The following PXDNL variants were observed in gnomAD, a reference collection of about 807,000 sequenced individuals.
PXDNL encodes the protein peroxidasin like.
PXDNL carries 145 observed loss-of-function variants against 150.8 expected under a neutral mutation model. That is an observed-to-expected ratio of 0.96 (90% CI 0.84 to 1.10). The LOEUF is 1.10. Ranked by LOEUF, PXDNL falls within the 50% of genes least tolerant of loss-of-function variation. The pLI, the probability that PXDNL is intolerant of heterozygous loss-of-function variation, is 0.00. For missense variants in PXDNL, 2,087 were observed against 1,873.9 expected, an observed-to-expected ratio of 1.11 and a Z score of -2.10; for synonymous variants, 757 against 725.7, an observed-to-expected ratio of 1.04 and a Z score of -0.69.
intron 21 of PXDNL, among the ~76,000 whole-genome samples, chr8:51,338,859 C>T (rs1805908652): frequency 6.6e-6 from 1 of 152,136 alleles, no homozygotes; most frequent in South Asian, 2.1e-4. Context: ...ACAACTTTGT[C>T]AGAAAAAGAA....
chr8:51,446,930 C>T lies in PXDNL; in HGVS notation c.1525+74G>A, dbSNP rs185938348. ...TATATAGTCATATATGTCATAAGAT[C>T]CCTGTCAGGTGTGTTAAAGACACAG... On this transcript the variant is annotated intron_variant, in intron 12 of 22. Coordinates refer to ENST00000356297, the MANE Select transcript of PXDNL (RefSeq NM_144651.5). The T allele has an allele frequency of 7.3e-4, 940 of 1,296,504 alleles. 4 individuals carry two copies. In the African/African-American group the frequency reaches 8.3e-3, roughly 11 times the overall value. The allele number at this position is 1,296,504 out of a possible 1,614,324, so 80.3% of individuals were successfully genotyped here.
At chr8:51,718,130 A>C (rs923982574) in intron 1 of PXDNL, among the ~76,000 whole-genome samples, 7 of 152,040 alleles carry the variant, frequency 4.6e-5, no homozygotes, top group Non-Finnish European at 8.8e-5. Context: ...GCCTGGTTGG[A>C]AGGAATAGGA....
At chr8:51,445,080 T>C (rs1428730557) in intron 12 of PXDNL, among the ~76,000 whole-genome samples, 5 of 151,892 alleles carry the variant, frequency 3.3e-5, no homozygotes, top group East Asian at 1.9e-4. Context: ...CCACCATGCC[T>C]GGCTAATTTT....
intron 1 of PXDNL, among the ~76,000 whole-genome samples, chr8:51,684,325 C>T (rs1413919607): frequency 6.6e-6 from 1 of 152,166 alleles, no homozygotes; most frequent in Non-Finnish European, 1.5e-5. Flanking sequence ...TGTGTCCCAG[C>T]GCAAAGTAGT....
At chr8:51,765,849 CTTT>C (rs5891431) in intron 1 of PXDNL, among the ~76,000 whole-genome samples, 1 of 142,150 alleles carries the variant, frequency 7.0e-6, no homozygotes, top group African/African-American at 2.6e-5. Flanking sequence ...CCTGTTTATT[CTTT>C]TTTTTTTTTG....
intron 4 of PXDNL, among the ~76,000 whole-genome samples, chr8:51,525,237 T>C (rs1006597174): frequency 1.3e-5 from 2 of 152,252 alleles, no homozygotes; most frequent in African/African-American, 4.8e-5. Context: ...TGATTTCTAA[T>C]GGCATTGTCA....
intron 2 of PXDNL, among the ~76,000 whole-genome samples, chr8:51,594,622 T>G (rs1813522473): frequency 1.3e-5 from 2 of 152,200 alleles, no homozygotes; most frequent in Admixed American, 1.3e-4. Flanking sequence ...CTTGTTTTCT[T>G]GAGAATTTTT....
At chr8:51,494,003 G>A (rs1585522289) in intron 5 of PXDNL, among the ~76,000 whole-genome samples, 1 of 152,180 alleles carries the variant, frequency 6.6e-6, no homozygotes, top group East Asian at 1.9e-4. Flanking sequence ...TTGAAATGAA[G>A]GAAAAAATGT....
At chr8:51,651,859 G>C (rs1367484334) in intron 2 of PXDNL, among the ~76,000 whole-genome samples, 1 of 152,156 alleles carries the variant, frequency 6.6e-6, no homozygotes, top group Admixed American at 6.5e-5. Flanking sequence ...GCTCTGCCAG[G>C]CACCACTTGG....
intron 4 of PXDNL, among the ~76,000 whole-genome samples, chr8:51,503,330 A>T (rs967330950): frequency 1.3e-5 from 2 of 152,220 alleles, no homozygotes; most frequent in South Asian, 4.1e-4. Context: ...AGTTCTGTTG[A>T]TTATAGTGCA....
chr8:51,468,740 T>C (rs1810257930), intron 8 of PXDNL, among the ~76,000 whole-genome samples: 2 of 151,996 alleles, frequency 1.3e-5, no homozygotes, highest in Non-Finnish European at 1.5e-5. Flanking sequence ...TATTTGTTAA[T>C]ATTCCATCTT....
chr8:51,659,447 T>G (rs1413098320), intron 1 of PXDNL, among the ~76,000 whole-genome samples: 1 of 152,182 alleles, frequency 6.6e-6, no homozygotes. Context: ...AGATGTGAGT[T>G]TCTAGCTCAA....
chr8:51,472,765 C>T lies in PXDNL; in HGVS notation c.695-461G>A, dbSNP rs1810376989. Among the ~76,000 whole-genome samples, 3 of 152,212 alleles carry T rather than the reference C, an allele frequency of 2.0e-5. No individual in the cohort carries two copies. In the South Asian group the frequency reaches 6.2e-4, roughly 32 times the overall value. On this transcript the variant is annotated intron_variant, in intron 7 of 22. Transcript: ENST00000356297. ...AAAACTGGTTGAGCAAAATTCTTAT[C>T]TATATAAATGAATGATTCCATCTTC...
At chr8:51,530,778 A>C (rs1344936975) in intron 4 of PXDNL, among the ~76,000 whole-genome samples, 1 of 151,962 alleles carries the variant, frequency 6.6e-6, no homozygotes, top group Non-Finnish European at 1.5e-5. Flanking sequence ...CCTATTTAAC[A>C]CCACATCCCA....
chr8:51,419,161 A>C (rs1192756068), intron 14 of PXDNL, among the ~76,000 whole-genome samples: 1 of 152,240 alleles, frequency 6.6e-6, no homozygotes, highest in Non-Finnish European at 1.5e-5. Context: ...GGTGCCACAC[A>C]GACAATTAGA....
At chr8:51,512,951 C>T (rs1811454363) in intron 4 of PXDNL, among the ~76,000 whole-genome samples, 1 of 152,206 alleles carries the variant, frequency 6.6e-6, no homozygotes, top group South Asian at 2.1e-4. Context: ...GCAAGCAGCC[C>T]AACCTAGGTT....
chr8:51,489,018 A>ATTAACAT (rs1810833143), intron 5 of PXDNL, among the ~76,000 whole-genome samples: 1 of 152,230 alleles, frequency 6.6e-6, no homozygotes, highest in Non-Finnish European at 1.5e-5. Context: ...CTCTGATTAA[A>ATTAACAT]AAATGTTTTT....
intron 3 of PXDNL, among the ~76,000 whole-genome samples, chr8:51,586,407 A>G (rs1347251166): frequency 6.6e-6 from 1 of 152,236 alleles, no homozygotes; most frequent in African/African-American, 2.4e-5. Flanking sequence ...CATGAGAGAT[A>G]GAAATGCTTG....
At chr8:51,421,687 A>C (rs950109594) in intron 14 of PXDNL, among the ~76,000 whole-genome samples, 8 of 152,246 alleles carry the variant, frequency 5.3e-5, no homozygotes, top group African/African-American at 1.9e-4. Context: ...CAACAGAGTG[A>C]GACTCCGTCT....
Sources: gnomAD v4.1 joint callset for allele counts (sites outside exome capture counted in the v4.1 genomes callset) on GRCh38, gnomAD v4.1.1 for gene constraint, MANE v1.5 for transcripts, NCBI Gene and HGNC (gene_info 2026-07-23, HGNC 2026-07-21) for gene names.